Variants in PLGRKT observed in about 807,000 individuals in gnomAD.
PLGRKT encodes the protein plasminogen receptor (KT).
Under a neutral mutation model 18.5 loss-of-function variants are expected in PLGRKT, and 22 were observed. The ratio of observed to expected loss-of-function variants is 1.19; its 90% CI spans 0.85 to 1.70. The LOEUF is 1.70. Among genes scored for constraint, PLGRKT ranks in the 40% most tolerant of loss-of-function variants. The pLI, the probability that PLGRKT is intolerant of heterozygous loss-of-function variation, is 0.00. For synonymous variants in PLGRKT, 72 were observed against 52.8 expected (o/e 1.36, Z -1.58); for missense variants, 235 against 174.4 (o/e 1.35, Z -1.96).
Position 5,435,600 on chromosome 9 carries a change from G to C in PLGRKT, c.-7+969C>G, listed in dbSNP as rs185330855. 3.3e-5 allele frequency among the ~76,000 whole-genome samples: 5 copies of C among 152,340 alleles called. No individual in the cohort carries two copies. The East Asian group carries it at 9.6e-4, about 29-fold the overall frequency. On this transcript the variant is annotated intron_variant, in intron 2 of 5. Coordinates refer to ENST00000223864, the MANE Select transcript of PLGRKT (RefSeq NM_018465.4). ...GCACAGTAGTGTCTATCTTATGTAA[G>C]TTTTTAAGTGGGCTGTCAACTCTAC...
At chr9:5,409,578 A>C (rs1171446686) in intron 3 of PLGRKT, among the ~76,000 whole-genome samples, 13 of 152,102 alleles carry the variant, frequency 8.5e-5, no homozygotes, top group African/African-American at 2.9e-4. Context: ...GACAGCTCAG[A>C]CCCTGCTCCT....
intron 3 of PLGRKT, among the ~76,000 whole-genome samples, chr9:5,390,316 C>A (rs1465988549): frequency 1.3e-5 from 2 of 151,280 alleles, no homozygotes; most frequent in Non-Finnish European, 2.9e-5. Context: ...AGACGAAGAC[C>A]TAGACATGTG....
rs560274981 is a variant in PLGRKT, at chr9:5,425,344, A to G, written c.81+6553T>C. Among the ~76,000 whole-genome samples, 116 of 152,318 alleles carry G rather than the reference A, an allele frequency of 7.6e-4. 1 individual carries two copies. Among genetic ancestry groups the G allele is most frequent in the African/African-American group, 2.5e-3 (105 of 41,572 alleles). Reference sequence around the variant, plus strand: ...ACTGAAGTTTGTTGATAATCTGAAAATATCATTATAACTAGTAGCATGAAT... The same window carrying G: ...ACTGAAGTTTGTTGATAATCTGAAAGTATCATTATAACTAGTAGCATGAAT... On this transcript the variant is annotated intron_variant, in intron 3 of 5. Coordinates refer to ENST00000223864, the MANE Select transcript of PLGRKT (RefSeq NM_018465.4).
chr9:5,395,026 T>A (rs1818018757), intron 3 of PLGRKT, among the ~76,000 whole-genome samples: 1 of 151,766 alleles, frequency 6.6e-6, no homozygotes, highest in Non-Finnish European at 1.5e-5. Flanking sequence ...GTTTTACATT[T>A]TATTAGAAGG....
rs767289128 is a variant in PLGRKT at position 5,436,665 on chromosome 9, G to A, written c.-103C>T. On this transcript the variant is annotated 5_prime_UTR_variant, in exon 2 of 6. Coordinates refer to ENST00000223864, the MANE Select transcript of PLGRKT (RefSeq NM_018465.4). ...AGGGTTAAAGGTGGAAGCCAAGCAGGAAGAAGAGCTTCCTTATGGGAAACC... is the reference window on the plus strand; with the variant it reads ...AGGGTTAAAGGTGGAAGCCAAGCAGAAAGAAGAGCTTCCTTATGGGAAACC... The A allele has an allele frequency of 8.5e-5, 13 of 152,210 alleles. No individual in the cohort carries two copies. The highest frequency in any genetic ancestry group is 1.2e-4 in the African/African-American group (5 of 41,436). 9.4% of individuals were successfully genotyped at this position (152,210 alleles called of 1,614,324 possible). A position where few individuals can be genotyped will look rare whatever the true frequency, so the allele number is the denominator to read the frequency against.
At chr9:5,406,650 T>C (rs1237343330) in intron 3 of PLGRKT, among the ~76,000 whole-genome samples, 2 of 152,150 alleles carry the variant, frequency 1.3e-5, no homozygotes, top group African/African-American at 2.4e-5. Flanking sequence ...AAAGAGCTAA[T>C]GCGTGCTGGG....
At chr9:5,365,451 T>G (rs779187951) in intron 3 of PLGRKT, among the ~76,000 whole-genome samples, 8 of 152,234 alleles carry the variant, frequency 5.3e-5, no homozygotes, top group Non-Finnish European at 7.3e-5. Context: ...CTCATTTATA[T>G]ACATACTCCT....
intron 1 of PLGRKT, 126 bp from the exon 2 acceptor site, chr9:5,436,820 G>A (rs753947730): frequency 3.3e-5 from 5 of 152,122 alleles, no homozygotes; most frequent in African/African-American, 9.7e-5. Flanking sequence ...GGAATATTCC[G>A]TAGGGTGTCC....
intron 3 of PLGRKT, among the ~76,000 whole-genome samples, chr9:5,398,991 T>C (rs557644595): frequency 6.6e-6 from 1 of 151,758 alleles, no homozygotes; most frequent in East Asian, 1.9e-4. Flanking sequence ...AGAGAGTTAC[T>C]CATAGATAAC....
intron 3 of PLGRKT, among the ~76,000 whole-genome samples, chr9:5,407,803 T>C (rs10283755): frequency 0.29 from 44,005 of 152,086 alleles, 7,365 homozygotes; most frequent in African/African-American, 0.46. Context: ...TTAAAAATAG[T>C]AACATTTGAC....
At chr9:5,374,833 A>G (rs1817597624) in intron 3 of PLGRKT, among the ~76,000 whole-genome samples, 1 of 152,218 alleles carries the variant, frequency 6.6e-6, no homozygotes, top group Non-Finnish European at 1.5e-5. Flanking sequence ...TCACAAAAAT[A>G]ACATAGCATC....
At chr9:5,389,624 G>C (rs1817909399) in intron 3 of PLGRKT, among the ~76,000 whole-genome samples, 1 of 151,818 alleles carries the variant, frequency 6.6e-6, no homozygotes, top group African/African-American at 2.4e-5. Flanking sequence ...CAATTGCTTA[G>C]TCCTAGACAT....
chr9:5,416,729 G>A (rs1181214478), intron 3 of PLGRKT, among the ~76,000 whole-genome samples: 1 of 152,158 alleles, frequency 6.6e-6, no homozygotes, highest in East Asian at 1.9e-4. Context: ...CTGTGTGTCT[G>A]CCCTGGAGAA....
intron 3 of PLGRKT, among the ~76,000 whole-genome samples, chr9:5,364,834 T>C (rs1477527669): frequency 2.6e-5 from 4 of 152,056 alleles, no homozygotes; most frequent in African/African-American, 7.2e-5. Context: ...ACAGGGAGAT[T>C]ACAAACAAGC....
intron 3 of PLGRKT, among the ~76,000 whole-genome samples, chr9:5,364,973 T>C (rs1047770015): frequency 1.4e-4 from 21 of 152,328 alleles, no homozygotes; most frequent in Middle Eastern, 3.4e-3. Context: ...TCTATATGCA[T>C]GCATAGATTA....
chr9:5,375,261 G>A (rs55853249), intron 3 of PLGRKT, among the ~76,000 whole-genome samples: 13,267 of 152,162 alleles, frequency 0.087, 1,134 homozygotes, highest in African/African-American at 0.23. Context: ...ATTGACATGC[G>A]AGCTAAGATA....
intron 3 of PLGRKT, among the ~76,000 whole-genome samples, chr9:5,383,843 C>A (rs932165194): frequency 6.6e-6 from 1 of 152,216 alleles, no homozygotes; most frequent in Non-Finnish European, 1.5e-5. Context: ...TGACCAGTAC[C>A]AGTCCGTGGC....
intron 3 of PLGRKT, among the ~76,000 whole-genome samples, chr9:5,363,874 A>C (rs948074008): frequency 2.0e-5 from 3 of 152,232 alleles, no homozygotes; most frequent in Admixed American, 1.3e-4. Flanking sequence ...TCACCAAGAG[A>C]AACTGAGGTT....
Position 5,418,993 on chromosome 9 carries a change from G to GAAGGGC in PLGRKT, c.81+12898_81+12903dup. The stretch of plus-strand genomic sequence containing the variant: ...CGTCTCCATGGTGGACCCTGAGCAG[G>GAAGGGC]AAGGGCAAGGCCAAGGGGAAGGGGA... On this transcript the variant is annotated intron_variant, in intron 3 of 5. Transcript: ENST00000223864. This position sits in a 1 kb window ranked among gnomAD's most constrained non-coding sequence, Gnocchi z 4.2. 3.3e-6 allele frequency: 2 copies of GAAGGGC among 612,512 alleles called. No individual in the cohort carries two copies. Among genetic ancestry groups the GAAGGGC allele is most frequent in the South Asian group, 4.0e-5 (2 of 50,094 alleles). The allele number at this position is 612,512 out of a possible 1,614,324, so 37.9% of individuals were successfully genotyped here. A position where few individuals can be genotyped will look rare whatever the true frequency, so the allele number is the denominator to read the frequency against.
Sources: gnomAD v4.1 joint callset for allele counts (sites outside exome capture counted in the v4.1 genomes callset) on GRCh38, gnomAD v4.1.1 for gene constraint, Gnocchi (gnomAD v3.1) non-coding constraint, MANE v1.5 for transcripts, NCBI Gene and HGNC (gene_info 2026-07-23, HGNC 2026-07-21) for gene names.